Variants in CABIN1 observed in about 807,000 individuals in gnomAD.
CABIN1 encodes the protein calcineurin-binding protein cabin-1.
Under a neutral mutation model 227.7 loss-of-function variants are expected in CABIN1, and 133 were observed. The ratio of observed to expected loss-of-function variants is 0.58; its 90% CI spans 0.51 to 0.67. The LOEUF (loss-of-function observed/expected upper bound fraction) is 0.67. CABIN1 is among the 30% of genes least tolerant of loss of function. CABIN1 has a pLI of 0.00. For missense variants in CABIN1, 2,408 were observed against 2,852.5 expected (o/e 0.84, Z 3.55); for synonymous variants, 1,086 against 1,155.1 (o/e 0.94, Z 1.21).
chr22:24,068,673 T>A (rs2039869046), intron 16 of CABIN1, among the ~76,000 whole-genome samples: 1 of 152,244 alleles, frequency 6.6e-6, no homozygotes, highest in Non-Finnish European at 1.5e-5. Flanking sequence ...ATATTAAAGA[T>A]AGTAATCTTT....
intron 9 of CABIN1, 125 bp downstream of exon 9, chr22:24,055,284 G>C (rs2038699788): frequency 8.8e-7 from 1 of 1,133,020 alleles, no homozygotes; most frequent in South Asian, 1.5e-5. Context: ...TGACTCAAGT[G>C]GAAGTGGGAG....
At chr22:24,162,551 C>T (rs1464214078) in intron 29 of CABIN1, among the ~76,000 whole-genome samples, 1 of 152,224 alleles carries the variant, frequency 6.6e-6, no homozygotes, top group African/African-American at 2.4e-5. Flanking sequence ...GAAACGTGCC[C>T]TTCAGCACAC....
chr22:24,168,259 G>T (rs890255372), intron 32 of CABIN1, among the ~76,000 whole-genome samples, 188 bp from the exon 33 acceptor site: 2 of 152,256 alleles, frequency 1.3e-5, no homozygotes, highest in Non-Finnish European at 2.9e-5. Context: ...GAGCTGGGAC[G>T]TAGGGGTCTA....
At chr22:24,135,418 G>A (rs775141368) in intron 29 of CABIN1, among the ~76,000 whole-genome samples, 2 of 152,112 alleles carry the variant, frequency 1.3e-5, no homozygotes, top group Non-Finnish European at 2.9e-5. Context: ...ACCAATATTG[G>A]GCTTTTAGTG....
intron 29 of CABIN1, chr22:24,155,811 C>G (rs893182424): frequency 9.6e-6 from 4 of 414,652 alleles, no homozygotes; most frequent in Non-Finnish European, 1.7e-5. Flanking sequence ...TGGGGCCCCA[C>G]AGCTTCCTGC....
rs140320587 is a variant in CABIN1, at chr22:24,034,951, T to A, written c.-74-493T>A. Among the ~76,000 whole-genome samples, 60 of 152,320 alleles carry A rather than the reference T, an allele frequency of 3.9e-4. 1 individual carries two copies. Among genetic ancestry groups the A allele is most frequent in the African/African-American group, 1.2e-3 (50 of 41,578 alleles). The stretch of plus-strand genomic sequence containing the variant: ...ACTACCTTTCCATCCTCCATTCACA[T>A]CCCTGCTCTAAGGCCTTGTCTTCTA... On this transcript the variant is annotated intron_variant, in intron 1 of 36. Transcript: ENST00000263119.
chr22:24,023,201 CAT>C (rs1328272615), intron 1 of CABIN1, among the ~76,000 whole-genome samples: 51 of 152,286 alleles, frequency 3.3e-4, no homozygotes, highest in East Asian at 2.9e-3. Context: ...AAGGTTCATT[CAT>C]GTTATAGAGC....
chr22:24,086,453 C>T (rs565104452), intron 22 of CABIN1, among the ~76,000 whole-genome samples: 32 of 152,390 alleles, frequency 2.1e-4, no homozygotes, highest in Middle Eastern at 3.4e-3. Flanking sequence ...GCCACAGAGG[C>T]GTGGTCTCCC....
intron 29 of CABIN1, among the ~76,000 whole-genome samples, chr22:24,144,291 G>T (rs1413588141): frequency 6.6e-6 from 1 of 152,248 alleles, no homozygotes; most frequent in Non-Finnish European, 1.5e-5. Context: ...AAGAGTGTCA[G>T]ACTGTGTCCT....
At chr22:24,047,989 C>A (rs528684873) in intron 6 of CABIN1, among the ~76,000 whole-genome samples, 11 of 152,336 alleles carry the variant, frequency 7.2e-5, no homozygotes, top group African/African-American at 2.2e-4. Context: ...TATCATAGTT[C>A]TGCTTTGTGA....
chr22:24,175,885 G>A, intron 34 of CABIN1: 1 of 626,562 alleles, frequency 1.6e-6, no homozygotes, highest in Non-Finnish European at 2.9e-6. Context: ...GGAGGCGGAG[G>A]AGCCCTCTGG....
Position 24,098,166 on chromosome 22 carries a change from A to T in CABIN1, c.4091A>T (p.Lys1364Ile), listed in dbSNP as rs769254668. 5 of 1,613,924 alleles carry T rather than the reference A, an allele frequency of 3.1e-6. No homozygotes were observed. The highest frequency in any genetic ancestry group is 4.2e-6 in the Non-Finnish European group (5 of 1,179,976). Residue 1364 changes from lysine (K) to isoleucine (I), a missense_variant, in exon 26 of 37, where the codon AAA (lysine) becomes ATA (isoleucine). Physicochemically the swap from Lys to Ile is moderately radical, Grantham distance 102. Coordinates refer to ENST00000263119, the MANE Select transcript of CABIN1 (RefSeq NM_012295.4). ...GACCACGATTACGTCAAATGTAAAA[A>T]ACCCCACCAGCAGGCAACGCCGGAC... Reference protein sequence around the residue: ...PIDHDYVKCKKPHQQATPDDR... With the variant: ...PIDHDYVKCKIPHQQATPDDR...
At chr22:24,101,768 G>C (rs1003350310) in intron 26 of CABIN1, 5 of 152,192 alleles carry the variant, frequency 3.3e-5, no homozygotes, top group African/African-American at 1.2e-4. Flanking sequence ...TGACCTTCAG[G>C]GGGTTCCCAG....
chr22:24,071,520 C>G (rs1254611921), intron 17 of CABIN1, among the ~76,000 whole-genome samples: 1 of 152,164 alleles, frequency 6.6e-6, no homozygotes, highest in Non-Finnish European at 1.5e-5. Flanking sequence ...CCCGCTCAGG[C>G]CATCAGCAAG....
intron 26 of CABIN1, among the ~76,000 whole-genome samples, chr22:24,106,225 G>A (rs2042508345): frequency 6.6e-6 from 1 of 152,264 alleles, no homozygotes; most frequent in African/African-American, 2.4e-5. Flanking sequence ...AGAAGCCTTT[G>A]ACCTGTGACC....
chr22:24,059,797 G>A, intron 11 of CABIN1, 127 bp from the exon 12 acceptor site: 1 of 839,882 alleles, frequency 1.2e-6, no homozygotes, highest in Non-Finnish European at 2.0e-6. Flanking sequence ...ACCACAACGT[G>A]GTATCATGTC....
chr22:24,065,984 GGAGACCGTGGAAAGAGAGGGAGAGA>G (rs1362314516), intron 15 of CABIN1, among the ~76,000 whole-genome samples: 4 of 152,242 alleles, frequency 2.6e-5, no homozygotes, highest in Admixed American at 2.6e-4. Context: ...GGCATCAGAG[GGAGACCGTGGAAAGAGAGGGAGAGA>G]GAGACCATGG....
chr22:24,150,289 A>C (rs1022450624), intron 29 of CABIN1, among the ~76,000 whole-genome samples: 3 of 152,234 alleles, frequency 2.0e-5, no homozygotes, highest in African/African-American at 7.2e-5. Flanking sequence ...GGTGGCTGCC[A>C]GTCCTCAGCA....
At chr22:24,168,807 G>C (rs1266234027) in intron 33 of CABIN1, among the ~76,000 whole-genome samples, 1 of 152,234 alleles carries the variant, frequency 6.6e-6, no homozygotes, top group African/African-American at 2.4e-5. Flanking sequence ...CAACTGGGAA[G>C]GTCATTCCGT....
Sources: gnomAD v4.1 joint callset for allele counts (sites outside exome capture counted in the v4.1 genomes callset) on GRCh38, gnomAD v4.1.1 for gene constraint, MANE v1.5 for transcripts, NCBI Gene and HGNC (gene_info 2026-07-23, HGNC 2026-07-21) for gene names.